RAB30: variants seen among roughly 807,000 people sequenced by gnomAD.
RAB30 encodes ras-related protein Rab-30.
A neutral mutation model predicts 25.1 loss-of-function variants in RAB30; 9 were observed. The observed-to-expected ratio is 0.36, with a 90% CI of 0.22 to 0.63. RAB30 has a LOEUF of 0.63. Ranked by LOEUF, RAB30 falls within the 20% of genes least tolerant of loss-of-function variation. The probability of loss-of-function intolerance (pLI) is 0.69; values close to 1 mark genes in which losing one functional copy is unlikely to be tolerated. For missense variants in RAB30, 140 were observed against 243.5 expected, an observed-to-expected ratio of 0.58 and a Z score of 2.83; for synonymous variants, 77 against 86.4, an observed-to-expected ratio of 0.89 and a Z score of 0.60.
intron 4 of RAB30, among the ~76,000 whole-genome samples, chr11:82,985,792 G>A (rs1856729360): frequency 6.7e-6 from 1 of 149,590 alleles, no homozygotes; most frequent in Non-Finnish European, 1.5e-5. Flanking sequence ...GCTCCCTGCA[G>A]CCTTCAACTT....
intron 4 of RAB30, 41 bp from the exon 5 acceptor site, chr11:82,982,456 CT>C: frequency 5.0e-6 from 8 of 1,594,528 alleles, no homozygotes; most frequent in Non-Finnish European, 6.8e-6. Flanking sequence ...CAGCATTTGA[CT>C]TTTTGCAGGC....
In RAB30 at chr11:82,979,834, G is replaced by C. The variant is rs1448856834; in HGVS notation, c.*2331C>G. On this transcript the variant is annotated 3_prime_UTR_variant, in exon 5 of 5. Coordinates refer to ENST00000527633, the MANE Select transcript of RAB30 (RefSeq NM_001286060.2). ...GGGAGGAGCAACAAGGAAGATAGAG[G>C]CCAAGACCAGAGCTTTTTAATCCCC... The C allele has an allele frequency of 6.6e-6, 1 of 152,206 alleles. No homozygotes were observed. The highest frequency in any genetic ancestry group is 6.5e-5 in the Admixed American group (1 of 15,274). 9.4% of individuals were successfully genotyped at this position (152,206 alleles called of 1,614,324 possible).
chr11:83,003,984 G>A (rs1386875683), intron 1 of RAB30, among the ~76,000 whole-genome samples: 1 of 152,118 alleles, frequency 6.6e-6, no homozygotes, highest in Non-Finnish European at 1.5e-5. Flanking sequence ...ACATAACTTT[G>A]AGAAATATTA....
chr11:83,050,904 A>G (rs1300253238), intron 1 of RAB30, among the ~76,000 whole-genome samples: 1 of 152,146 alleles, frequency 6.6e-6, no homozygotes. Context: ...GCATCACTGT[A>G]CTGCAGCCTG....
chr11:82,994,124 T>C lies in RAB30; in HGVS notation c.94-2A>G. On this transcript the variant is annotated splice_acceptor_variant, in intron 2 of 4. Coordinates refer to ENST00000527633, the MANE Select transcript of RAB30 (RefSeq NM_001286060.2). LOFTEE classifies it high-confidence loss of function. ...TCCTTGACCTGGGGGGAAAAGACCC[T>C]GAAGAAGAAATAATAGAAAAGAACA... The C allele has an allele frequency of 2.5e-6, 4 of 1,598,572 alleles. No individual in the cohort carries two copies. The highest frequency in any genetic ancestry group is 3.4e-6 in the Non-Finnish European group (4 of 1,166,438).
chr11:83,071,361 T>G (rs1858842178), intron 1 of RAB30: 1 of 152,288 alleles, frequency 6.6e-6, no homozygotes, highest in Non-Finnish European at 1.5e-5. Flanking sequence ...GTGACAGGAC[T>G]GCAGTCCCCC....
chr11:83,007,111 G>GC (rs1262603169), intron 1 of RAB30, among the ~76,000 whole-genome samples: 1 of 152,226 alleles, frequency 6.6e-6, no homozygotes, highest in Admixed American at 6.5e-5. Flanking sequence ...ATAGTGACTT[G>GC]CCTCAGGCCA....
intron 3 of RAB30, among the ~76,000 whole-genome samples, chr11:82,993,368 A>G (rs1856896168): frequency 6.6e-6 from 1 of 152,250 alleles, no homozygotes; most frequent in South Asian, 2.1e-4. Flanking sequence ...AAACGAGGAT[A>G]ATACCACTTA....
At position 82,973,579 on chromosome 11, in the gene RAB30, A is replaced by G. The variant is rs991720932; in HGVS notation, c.*8586T>C. On this transcript the variant is annotated 3_prime_UTR_variant, in exon 5 of 5. Transcript: ENST00000527633. ...GTCTTCATGAAATTGATTGCTTATCACATCTAAATGACAGGCTCATAGAAA... is the reference window on the plus strand; with the variant it reads ...GTCTTCATGAAATTGATTGCTTATCGCATCTAAATGACAGGCTCATAGAAA... 5 of 152,232 alleles carry G rather than the reference A, an allele frequency of 3.3e-5. No homozygotes were observed. The East Asian group carries it at 7.7e-4, about 23-fold the overall frequency. 9.4% of individuals were successfully genotyped at this position (152,232 alleles called of 1,614,324 possible). A position where few individuals can be genotyped will look rare whatever the true frequency, so the allele number is the denominator to read the frequency against.
chr11:83,052,984 G>A (rs1398149072), intron 1 of RAB30, among the ~76,000 whole-genome samples: 4 of 152,090 alleles, frequency 2.6e-5, no homozygotes, highest in South Asian at 4.1e-4. Flanking sequence ...CCTGTGACTT[G>A]GTGATCTACC....
intron 1 of RAB30, among the ~76,000 whole-genome samples, chr11:83,013,480 G>T (rs978896309): frequency 1.3e-5 from 2 of 152,068 alleles, no homozygotes; most frequent in East Asian, 3.9e-4. Flanking sequence ...TATTCTCATC[G>T]CCTGACATTT....
chr11:82,993,395 T>G (rs971932263), intron 3 of RAB30, among the ~76,000 whole-genome samples: 1 of 152,180 alleles, frequency 6.6e-6, no homozygotes, highest in African/African-American at 2.4e-5. Context: ...AGGTTTACAG[T>G]AAGGACTAAA....
intron 1 of RAB30, among the ~76,000 whole-genome samples, chr11:83,069,646 T>G (rs770619029): frequency 1.2e-4 from 19 of 152,132 alleles, no homozygotes; most frequent in Admixed American, 2.6e-4. Flanking sequence ...AAAAAATGTA[T>G]TGTATAAGGC....
intron 1 of RAB30, among the ~76,000 whole-genome samples, chr11:83,036,661 T>C (rs1857994552): frequency 6.6e-6 from 1 of 152,092 alleles, no homozygotes. Context: ...ACAATGCAGA[T>C]AGATAATTAC....
At chr11:83,029,395 T>TTTATTA (rs559075318) in intron 1 of RAB30, among the ~76,000 whole-genome samples, 6 of 151,226 alleles carry the variant, frequency 4.0e-5, no homozygotes, top group Admixed American at 4.0e-4. Context: ...GCTTAAATAT[T>TTTATTA]TTATTATTAT....
intron 1 of RAB30, among the ~76,000 whole-genome samples, chr11:83,062,898 T>C (rs1858614561): frequency 6.6e-6 from 1 of 150,418 alleles, no homozygotes; most frequent in Admixed American, 6.7e-5. Context: ...AGCTGCTCGG[T>C]AGGCTGAGGC....
intron 1 of RAB30, among the ~76,000 whole-genome samples, chr11:83,058,698 T>C (rs975046362): frequency 6.6e-5 from 10 of 152,250 alleles, no homozygotes; most frequent in Non-Finnish European, 1.3e-4. Context: ...CTATTTTCCT[T>C]GTAACTTGTA....
At position 82,979,842 on chromosome 11, in the gene RAB30, C is replaced by T. The variant is rs1345713756; in HGVS notation, c.*2323G>A. 1 of 152,166 alleles carries T rather than the reference C, an allele frequency of 6.6e-6. No individual in the cohort carries two copies. The highest frequency in any genetic ancestry group is 1.5e-5 in the Non-Finnish European group (1 of 68,070). The allele number at this position is 152,166 out of a possible 1,614,324, so 9.4% of individuals were successfully genotyped here. ...CAACAAGGAAGATAGAGGCCAAGAC[C>T]AGAGCTTTTTAATCCCCTTCTGAGT... On this transcript the variant is annotated 3_prime_UTR_variant, in exon 5 of 5. Transcript: ENST00000527633.
intron 1 of RAB30, among the ~76,000 whole-genome samples, chr11:83,014,155 G>C (rs142652398): frequency 2.0e-5 from 3 of 152,310 alleles, no homozygotes; most frequent in African/African-American, 7.2e-5. Flanking sequence ...GTATCAGACA[G>C]TGATAAGTGC....
Sources: gnomAD v4.1 joint callset for allele counts (sites outside exome capture counted in the v4.1 genomes callset) on GRCh38, gnomAD v4.1.1 for gene constraint, MANE v1.5 for transcripts, NCBI Gene and HGNC (gene_info 2026-07-23, HGNC 2026-07-21) for gene names.